Variants in FOXP2 observed in about 807,000 individuals in gnomAD.
FOXP2 encodes forkhead box protein P2.
Under a neutral mutation model 115.8 loss-of-function variants are expected in FOXP2, and 12 were observed. The observed-to-expected ratio is 0.10, with a 90% CI of 0.07 to 0.17. FOXP2 has a LOEUF of 0.17. Ranked by LOEUF, FOXP2 falls within the 10% of genes least tolerant of loss-of-function variation. The pLI is 1.00. For synonymous variants in FOXP2, 328 were observed against 297.7 expected (o/e 1.10, Z -1.05); for missense variants, 629 against 843.5 (o/e 0.75, Z 3.15).
intron 1 of FOXP2, among the ~76,000 whole-genome samples, chr7:114,246,393 C>T (rs898585115): frequency 6.6e-6 from 1 of 151,992 alleles, no homozygotes; most frequent in Non-Finnish European, 1.5e-5. Flanking sequence ...AAATTTAAAG[C>T]AGATCTAGAG....
intron 10 of FOXP2, among the ~76,000 whole-genome samples, chr7:114,655,969 G>A (rs1806563918): frequency 6.6e-6 from 1 of 152,122 alleles, no homozygotes; most frequent in Non-Finnish European, 1.5e-5. Flanking sequence ...GATGAGTCGA[G>A]GTGGCTAAGT....
chr7:114,645,174 A>T (rs1178990256), intron 8 of FOXP2: 3 of 107,054 alleles, frequency 2.8e-5, no homozygotes, highest in Admixed American at 1.0e-4. Context: ...ATATATATAT[A>T]TATATTTCAG....
intron 3 of FOXP2, among the ~76,000 whole-genome samples, chr7:114,555,650 A>G (rs1196652176): frequency 6.6e-6 from 1 of 152,132 alleles, no homozygotes; most frequent in Non-Finnish European, 1.5e-5. Context: ...TACAAAAATT[A>G]GCCAGGTGTG....
intron 1 of FOXP2, among the ~76,000 whole-genome samples, chr7:114,265,181 A>G (rs1795866218): frequency 1.3e-5 from 2 of 152,164 alleles, no homozygotes; most frequent in Non-Finnish European, 2.9e-5. Flanking sequence ...GAGACAAGGC[A>G]AGTTCCTTCC....
At chr7:114,346,734 A>C (rs1295875417) in intron 2 of FOXP2, among the ~76,000 whole-genome samples, 1 of 151,846 alleles carries the variant, frequency 6.6e-6, no homozygotes, top group Non-Finnish European at 1.5e-5. Context: ...GAGAAAAAAA[A>C]CCTGGTATCA....
At chr7:114,289,970 G>A (rs911813151) in intron 2 of FOXP2, among the ~76,000 whole-genome samples, 14 of 151,906 alleles carry the variant, frequency 9.2e-5, no homozygotes, top group Non-Finnish European at 1.5e-4. Context: ...GGGTCAGGTT[G>A]ATAGGAGTTT....
intron 2 of FOXP2, among the ~76,000 whole-genome samples, chr7:114,319,706 C>A (rs760413733): frequency 6.6e-6 from 1 of 152,098 alleles, no homozygotes. Context: ...GGGAACTACA[C>A]GATGAGATTT....
chr7:114,418,373 C>A (rs1274185551), intron 1 of FOXP2, among the ~76,000 whole-genome samples: 1 of 151,830 alleles, frequency 6.6e-6, no homozygotes, highest in South Asian at 2.1e-4. Flanking sequence ...TAACTGGAAA[C>A]GTCATGATGA....
At chr7:114,224,423 C>G (rs1421886178) in intron 1 of FOXP2, among the ~76,000 whole-genome samples, 1 of 152,078 alleles carries the variant, frequency 6.6e-6, no homozygotes, top group Non-Finnish European at 1.5e-5. Context: ...TTAATACTTT[C>G]AATAATATTT....
At chr7:114,624,204 T>C (rs750916103) in intron 3 of FOXP2, among the ~76,000 whole-genome samples, 8 of 151,932 alleles carry the variant, frequency 5.3e-5, no homozygotes, top group African/African-American at 1.9e-4. Flanking sequence ...ATATTTTCTA[T>C]TAACAGTCAA....
chr7:114,669,306 G>A (rs1807362708), intron 16 of FOXP2: 1 of 152,018 alleles, frequency 6.6e-6, no homozygotes, highest in Admixed American at 6.6e-5. Context: ...ACATTGTATA[G>A]ATTCTACATA....
chr7:114,485,446 A>T (rs915975047), intron 2 of FOXP2, among the ~76,000 whole-genome samples: 8 of 151,984 alleles, frequency 5.3e-5, no homozygotes, highest in African/African-American at 1.9e-4. Flanking sequence ...TAGTTTATAA[A>T]AGTTAATCAG....
chr7:114,568,349 A>T (rs1238884821), intron 3 of FOXP2, among the ~76,000 whole-genome samples: 1 of 151,756 alleles, frequency 6.6e-6, no homozygotes, highest in Non-Finnish European at 1.5e-5. Context: ...GAATCGAAAA[A>T]TAATGAGTAT....
chr7:114,366,753 A>G (rs1791891482), intron 2 of FOXP2: 2 of 152,184 alleles, frequency 1.3e-5, no homozygotes, highest in Admixed American at 6.6e-5. Flanking sequence ...CAATTATTGC[A>G]TCATGAAATG....
rs1013232806 is a variant in FOXP2, at chr7:114,500,675, A to C, written c.169-33942A>C. On this transcript the variant is annotated intron_variant, in intron 2 of 16. Transcript: ENST00000350908. ...TTGAGGCGTCTAAGACTACTTGCCC[A>C]AAGTAATACAGCTCTTTAGTGGTAG... Among the ~76,000 whole-genome samples the C allele has an allele frequency of 2.0e-5, 3 of 152,310 alleles. No individual in the cohort carries two copies. The South Asian group carries it at 6.2e-4, about 32-fold the overall frequency.
chr7:114,437,163 TG>T (rs1457463023), intron 2 of FOXP2, among the ~76,000 whole-genome samples: 1 of 152,212 alleles, frequency 6.6e-6, no homozygotes, highest in Non-Finnish European at 1.5e-5. Context: ...TATTTTATTG[TG>T]GTTGATTTTT....
chr7:114,179,309 T>C (rs915800903), intron 1 of FOXP2, among the ~76,000 whole-genome samples: 1 of 151,988 alleles, frequency 6.6e-6, no homozygotes, highest in African/African-American at 2.4e-5. Flanking sequence ...TCTCAACAGT[T>C]TCATTATTGA....
intron 3 of FOXP2, among the ~76,000 whole-genome samples, chr7:114,623,619 G>A (rs942206656): frequency 6.6e-6 from 1 of 151,798 alleles, no homozygotes; most frequent in Non-Finnish European, 1.5e-5. Context: ...GAGCAGTCTG[G>A]TTTTCACCAG....
At chr7:114,524,544 C>T (rs1453052422) in intron 2 of FOXP2, among the ~76,000 whole-genome samples, 1 of 152,052 alleles carries the variant, frequency 6.6e-6, no homozygotes, top group African/African-American at 2.4e-5. Context: ...TCTTATGCCA[C>T]TCCAAGGCTC....
Sources: gnomAD v4.1 joint callset for allele counts (sites outside exome capture counted in the v4.1 genomes callset) on GRCh38, gnomAD v4.1.1 for gene constraint, MANE v1.5 for transcripts, NCBI Gene and HGNC (gene_info 2026-07-23, HGNC 2026-07-21) for gene names.